LGI4: variants seen among roughly 807,000 people sequenced by gnomAD.
LGI4 encodes the protein leucine rich repeat LGI family member 4.
Under a neutral mutation model 48.3 loss-of-function variants are expected in LGI4, and 36 were observed. That is an observed-to-expected ratio of 0.75 (90% CI 0.57 to 0.98). The LOEUF is 0.98. Ranked by LOEUF, LGI4 falls within the 50% of genes least tolerant of loss-of-function variation. The probability of loss-of-function intolerance (pLI) is 0.00; values close to 1 mark genes in which losing one functional copy is unlikely to be tolerated. For missense variants in LGI4, 701 were observed against 732.1 expected (o/e 0.96, Z 0.49); for synonymous variants, 355 against 331.6 (o/e 1.07, Z -0.77).
At position 35,134,626 on chromosome 19, in the gene LGI4, C is replaced by A. The variant is rs745318221; in HGVS notation, c.55G>T (p.Ala19Ser). The stretch of plus-strand genomic sequence containing the variant: ...CACTTTCCCTTTGGGGGTCTCCAGG[C>A]CACCACCACCCCCGCCCCAGCCAGC... Reference protein sequence around the residue: ...LLLAGAGVVVAWRPPKGKCPL... With the variant: ...LLLAGAGVVVSWRPPKGKCPL... Residue 19 changes from alanine to serine, a missense_variant, in exon 1 of 9, where the codon GCC (alanine) becomes TCC (serine). By Grantham distance (99) the Ala-to-Ser change is moderately conservative (BLOSUM62 1). This residue lies in a region of LGI4 where 462 missense variants were observed against 436.4 expected (regional missense o/e 1.06). Coordinates refer to ENST00000310123, the MANE Select transcript of LGI4 (RefSeq NM_139284.3). The A allele has an allele frequency of 5.7e-6, 9 of 1,575,796 alleles. No individual in the cohort carries two copies. The highest frequency in any genetic ancestry group is 7.8e-6 in the Non-Finnish European group (9 of 1,158,806).
intron 3 of LGI4, 49 bp downstream of exon 3, chr19:35,133,644 G>T (rs117043591): frequency 1.3e-6 from 2 of 1,544,502 alleles, no homozygotes; most frequent in Non-Finnish European, 1.8e-6. Context: ...CCACAGAAGG[G>T]TCCCTCCTTG....
rs1360291395 is a variant in LGI4 at position 35,126,320 on chromosome 19, C to G, written c.1249G>C (p.Ala417Pro). 2 of 1,611,742 alleles carry G rather than the reference C, an allele frequency of 1.2e-6. No homozygotes were observed. The highest frequency in any genetic ancestry group is 1.7e-6 in the Non-Finnish European group (2 of 1,179,502). ...EDVYATRHFQ[A>P]GGDVFLCLTR... ...AGGCACAGGAACACGTCCCCACCAG[C>G]CTGGAAGTGGCGTGTGGCATAGACA... is the stretch of plus-strand genomic sequence containing the variant. The change falls in exon 8 of 9, where the codon GCT becomes CCT. Residue 417 changes from alanine to proline, a missense_variant. Physicochemically the swap from Ala to Pro is conservative, Grantham distance 27 (BLOSUM62 -1). Coordinates refer to ENST00000310123, the MANE Select transcript of LGI4 (RefSeq NM_139284.3).
In LGI4 at chr19:35,129,171, T is replaced by C. The variant is rs1346755918; in HGVS notation, c.629-2154A>G. On this transcript the variant is annotated intron_variant, in intron 6 of 8. Transcript: ENST00000310123. ...ACCTCTCACAGGGCTGGGCACTGAGTGGACTTCAGTGAACATTTGTTGGAT... is the reference window on the plus strand; with the variant it reads ...ACCTCTCACAGGGCTGGGCACTGAGCGGACTTCAGTGAACATTTGTTGGAT... Among the ~76,000 whole-genome samples, 4 of 152,158 alleles carry C rather than the reference T, an allele frequency of 2.6e-5. No individual in the cohort carries two copies. The East Asian group carries it at 7.7e-4, about 29-fold the overall frequency.
At chr19:35,125,630 AC>A in intron 8 of LGI4, 123 bp from the exon 9 acceptor site, 1 of 862,564 alleles carries the variant, frequency 1.2e-6, no homozygotes. Flanking sequence ...CATAAAAGTC[AC>A]CACCCACCTG....
At chr19:35,133,439 G>C (rs1318902690) in intron 3 of LGI4, 1 of 1,329,224 alleles carries the variant, frequency 7.5e-7, no homozygotes, top group Non-Finnish European at 9.6e-7. Flanking sequence ...CGGGCCCTTT[G>C]TAGATCTTGA....
rs138695031 is a variant in LGI4, at chr19:35,126,880, G to T, written c.766C>A (p.Arg256Ser). The change falls in exon 7 of 9, where the codon CGC becomes AGC. Residue 256 changes from arginine (R) to serine (S), a missense_variant. Physicochemically the swap from Arg to Ser is moderately radical, Grantham distance 110. Around this residue, in one of 3 missense-constraint regions of LGI4, gnomAD observed 462 missense variants for 436.4 expected, o/e 1.06. Transcript: ENST00000310123. ...LILSWDYSLQ[R>S]FRPEEELPAA... ...GGCAGCTCTTCCTCGGGCCGGAAGCGCTGCAGGCTGTAGTCCCAGGAGAGA... is the reference window on the plus strand; with the variant it reads ...GGCAGCTCTTCCTCGGGCCGGAAGCTCTGCAGGCTGTAGTCCCAGGAGAGA... The T allele has an allele frequency of 1.6e-4, 264 of 1,612,976 alleles. 1 individual carries two copies. The African/African-American group carries it at 3.3e-3, about 20-fold the overall frequency.
intron 3 of LGI4, 49 bp from the exon 4 acceptor site, chr19:35,132,091 A>C: frequency 6.8e-7 from 1 of 1,466,754 alleles, no homozygotes; most frequent in Non-Finnish European, 9.4e-7. Context: ...GCTTCAGGGA[A>C]CGCACCCCAT....
Position 35,131,782 on chromosome 19 carries a change from G to T in LGI4, c.458+7C>A. ...CCCCCCACATTCCCAGCCCCCATGAGCCTCACACATGAGTAAGGGTGTCCA... is the reference window on the plus strand; with the variant it reads ...CCCCCCACATTCCCAGCCCCCATGATCCTCACACATGAGTAAGGGTGTCCA... On this transcript the variant is annotated splice_region_variant and intron_variant, in intron 5 of 8. Transcript: ENST00000310123. 6.5e-7 allele frequency: 1 copy of T among 1,547,194 alleles called. No homozygotes were observed. The highest frequency in any genetic ancestry group is 8.8e-7 in the Non-Finnish European group (1 of 1,140,516).
In LGI4 at chr19:35,134,013, C is replaced by A; in HGVS notation, c.242+20G>T. 6.4e-7 allele frequency: 1 copy of A among 1,554,160 alleles called. No individual in the cohort carries two copies. The highest frequency in any genetic ancestry group is 8.7e-7 in the Non-Finnish European group (1 of 1,148,190). On this transcript the variant is annotated intron_variant, in intron 2 of 8. Transcript: ENST00000310123. The stretch of plus-strand genomic sequence containing the variant: ...CACACTCCCTTGAGCTGGTTGTCGG[C>A]CCAGCCAGGCCCCACTCACAGCAGG...
Position 35,126,735 on chromosome 19 carries a change from C to T in LGI4, c.834G>A (p.Pro278=), listed in dbSNP as rs1687998. 1.9e-6 allele frequency: 3 copies of T among 1,541,892 alleles called. No individual in the cohort carries two copies. Among genetic ancestry groups the T allele is most frequent in the East Asian group, 4.9e-5 (2 of 41,160 alleles). ...GGCGGGCAGCCAGCACGAAGAGGCT[C>T]GGGCCCAGCACCAGTGGCTTGCAGG... The part of the protein sequence containing the change: ...VVSCKPLVLG[P]SLFVLAARLW... The change falls in exon 8 of 9, where the codon CCG becomes CCA. Residue 278 remains proline, a synonymous_variant. Transcript: ENST00000310123.
Position 35,126,699 on chromosome 19 carries a change from G to C in LGI4, c.870C>G (p.Gly290=), listed in dbSNP as rs1568393478. ...GACTGGGCCGGGCCCACAGCTGTGA[G>C]CCCCCCCACAGGCGGGCAGCCAGCA... ...LFVLAARLWG[G]SQLWARPSPG... is the part of the protein sequence containing the mutation. Residue 290 remains glycine, a synonymous_variant, in exon 8 of 9, where the codon GGC becomes GGG. Transcript: ENST00000310123. 1 of 1,537,642 alleles carries C rather than the reference G, an allele frequency of 6.5e-7. No homozygotes were observed. Among genetic ancestry groups the C allele is most frequent in the Admixed American group, 2.0e-5 (1 of 50,968 alleles).
rs376381107 is a variant in LGI4, at chr19:35,126,279, C to A, written c.1290G>T (p.Gly430=). 1.9e-5 allele frequency: 30 copies of A among 1,611,850 alleles called. No individual in the cohort carries two copies. The East Asian group carries it at 5.8e-4, about 31-fold the overall frequency. ...DVFLCLTRYI[G]DSMVMRWDGS... ...CCAGGCCCAGCCTCACCATGGAGTC[C>A]CCAATGTAGCGTGTGAGGCACAGGA... Residue 430 remains glycine (G), a synonymous_variant, in exon 8 of 9, where the codon GGG becomes GGT. Coordinates refer to ENST00000310123, the MANE Select transcript of LGI4 (RefSeq NM_139284.3).
intron 6 of LGI4, 31 bp downstream of exon 6, chr19:35,131,355 C>A: frequency 1.3e-6 from 2 of 1,550,118 alleles, no homozygotes; most frequent in Non-Finnish European, 8.7e-7. Context: ...CCAGATCTCC[C>A]GCCTCCCACC....
Position 35,131,954 on chromosome 19 carries a change from G to A in LGI4, c.386+17C>T. ...TGGGTGCCTCTCATGGAGGGCTGGG[G>A]CGGTGGAGGCACGCACAGGTGTGTA... On this transcript the variant is annotated intron_variant, in intron 4 of 8. Transcript: ENST00000310123. 1 of 1,583,548 alleles carries A rather than the reference G, an allele frequency of 6.3e-7. No individual in the cohort carries two copies.
chr19:35,127,092 A>G (rs1049139705), intron 6 of LGI4, 75 bp from the exon 7 acceptor site: 1 of 1,447,520 alleles, frequency 6.9e-7, no homozygotes, highest in South Asian at 1.4e-5. Flanking sequence ...GTTTGCCTAC[A>G]TCTCTGAAAT....
rs887920156 is a variant in LGI4 at position 35,125,455 on chromosome 19, C to T, written c.1352G>A (p.Arg451His). ...CAGTGGCTGGAAGACGTGGGCACCG[C>T]GCGAGGGAAGTTGCTGCAGCAGACG... Reference protein sequence around the residue: ...MFRLLQQLPSRGAHVFQPLLI... With the variant: ...MFRLLQQLPSHGAHVFQPLLI... Residue 451 changes from arginine to histidine, a missense_variant, in exon 9 of 9, where the codon CGC becomes CAC. Coordinates refer to ENST00000310123, the MANE Select transcript of LGI4 (RefSeq NM_139284.3). 4 of 1,596,990 alleles carry T rather than the reference C, an allele frequency of 2.5e-6. No homozygotes were observed. Among genetic ancestry groups the T allele is most frequent in the Middle Eastern group, 3.3e-4 (2 of 6,014 alleles).
At position 35,126,265 on chromosome 19, in the gene LGI4, C is replaced by T. The variant is rs1064797095; in HGVS notation, c.1299+5G>A. The T allele has an allele frequency of 1.2e-6, 2 of 1,611,334 alleles. No individual in the cohort carries two copies. The highest frequency in any genetic ancestry group is 1.7e-6 in the Non-Finnish European group (2 of 1,179,304). The stretch of plus-strand genomic sequence containing the variant: ...CCAGCCCCCCGCCCCCAGGCCCAGC[C>T]TCACCATGGAGTCCCCAATGTAGCG... On this transcript the variant is annotated splice_donor_5th_base_variant and intron_variant, in intron 8 of 8. Coordinates refer to ENST00000310123, the MANE Select transcript of LGI4 (RefSeq NM_139284.3).
intron 6 of LGI4, chr19:35,131,078 G>A (rs981743184): frequency 1.7e-5 from 10 of 590,700 alleles, no homozygotes; most frequent in Admixed American, 3.1e-5. Context: ...GGCACTTAAC[G>A]AAGAATTTTT....
chr19:35,131,914 C>A, intron 4 of LGI4, 54 bp from the exon 5 acceptor site: 2 of 1,566,370 alleles, frequency 1.3e-6, no homozygotes, highest in East Asian at 4.7e-5. Flanking sequence ...CCTGTGTTCC[C>A]TGGGGGGTGG....
Sources: allele counts gnomAD v4.1 joint callset (sites outside exome capture counted in the v4.1 genomes callset), GRCh38; gene constraint gnomAD v4.1.1; regional missense constraint gnomAD v4.1.1; transcripts MANE v1.5; gene names NCBI Gene and HGNC (gene_info 2026-07-23, HGNC 2026-07-21).